The following CNTNAP2 variants were observed in gnomAD, a reference collection of about 807,000 sequenced individuals.
The protein encoded by CNTNAP2 is contactin associated protein 2.
Under a neutral mutation model 155.2 loss-of-function variants are expected in CNTNAP2, and 98 were observed. That is an observed-to-expected ratio of 0.63 (90% CI 0.54 to 0.75). The LOEUF (loss-of-function observed/expected upper bound fraction) is 0.75, where lower values mean the gene tolerates loss of function less well. Ranked by LOEUF, CNTNAP2 falls within the 30% of genes least tolerant of loss-of-function variation. The pLI, the probability that CNTNAP2 is intolerant of heterozygous loss-of-function variation, is 0.00. For missense variants in CNTNAP2, 1,727 were observed against 1,688.1 expected (o/e 1.02, Z -0.40); for synonymous variants, 651 against 631.2 (o/e 1.03, Z -0.47).
intron 8 of CNTNAP2, among the ~76,000 whole-genome samples, chr7:147,292,622 G>T (rs542676171): frequency 2.6e-4 from 39 of 152,236 alleles, no homozygotes; most frequent in African/African-American, 8.2e-4. Flanking sequence ...AACTTTAAAA[G>T]CTCCCCCAAA....
chr7:147,403,642 C>A (rs980264796), intron 10 of CNTNAP2, among the ~76,000 whole-genome samples: 2 of 152,146 alleles, frequency 1.3e-5, no homozygotes, highest in South Asian at 2.1e-4. Flanking sequence ...GTTTTGCTCT[C>A]AAAAATATAG....
intron 8 of CNTNAP2, among the ~76,000 whole-genome samples, chr7:147,192,335 TCTC>T (rs10594458): frequency 0.52 from 79,569 of 151,592 alleles, 21,201 homozygotes; most frequent in Middle Eastern, 0.67. Flanking sequence ...TACCACTTCT[TCTC>T]CTCTTTATGT....
chr7:147,185,076 G>A (rs1020772213), intron 8 of CNTNAP2, among the ~76,000 whole-genome samples: 1 of 152,090 alleles, frequency 6.6e-6, no homozygotes, highest in African/African-American at 2.4e-5. Context: ...TGGTTTATGT[G>A]GGGAATGTTA....
intron 14 of CNTNAP2, among the ~76,000 whole-genome samples, chr7:147,947,152 T>A (rs1800835206): frequency 6.6e-6 from 1 of 152,086 alleles, no homozygotes; most frequent in African/African-American, 2.4e-5. Context: ...TCCCAGGTAA[T>A]CTCTTGGAGC....
chr7:147,366,777 GCACGCACACACACACACACA>G (rs1796236419), intron 9 of CNTNAP2, among the ~76,000 whole-genome samples: 1 of 56,924 alleles, frequency 1.8e-5, no homozygotes, highest in Non-Finnish European at 4.0e-5. Flanking sequence ...CGAATTTGTT[GCACGCACACACACACACACA>G]CACACACACA....
At chr7:148,280,206 G>C (rs1393427910) in intron 21 of CNTNAP2, among the ~76,000 whole-genome samples, 1 of 152,186 alleles carries the variant, frequency 6.6e-6, no homozygotes, top group Non-Finnish European at 1.5e-5. Flanking sequence ...TACTCGGGAG[G>C]CTGAGGCAGG....
rs1390069621 is a variant in CNTNAP2 at position 148,261,412 on chromosome 7, G to GT, written c.3382-5621_3382-5620insT. Among the ~76,000 whole-genome samples the GT allele has an allele frequency of 2.0e-5, 3 of 152,284 alleles. No homozygotes were observed. In the East Asian group the frequency reaches 5.8e-4, roughly 29 times the overall value. ...TGACCACAGGTGATCCGCCCACTTT[G>GT]CCCCCCAAAGTGCTGGGATTATAGG... On this transcript the variant is annotated intron_variant, in intron 20 of 23. Transcript: ENST00000361727.
chr7:146,868,922 CTA>C (rs1224530721), intron 3 of CNTNAP2, among the ~76,000 whole-genome samples: 2 of 152,114 alleles, frequency 1.3e-5, no homozygotes, highest in African/African-American at 2.4e-5. Context: ...TGGTCTGAGA[CTA>C]TGTGCTTTTC....
At chr7:147,013,298 G>A (rs1160790634) in intron 3 of CNTNAP2, among the ~76,000 whole-genome samples, 2 of 151,990 alleles carry the variant, frequency 1.3e-5, no homozygotes, top group South Asian at 2.1e-4. Context: ...AAATATTGAG[G>A]GGTGTACTAG....
intron 1 of CNTNAP2, among the ~76,000 whole-genome samples, chr7:146,242,047 A>T (rs1371139961): frequency 6.6e-6 from 1 of 152,142 alleles, no homozygotes; most frequent in Non-Finnish European, 1.5e-5. Context: ...TTGAGCTATA[A>T]AAAGAGTTCA....
chr7:147,934,124 A>G (rs1430440592), intron 14 of CNTNAP2, among the ~76,000 whole-genome samples: 1 of 152,220 alleles, frequency 6.6e-6, no homozygotes, highest in Non-Finnish European at 1.5e-5. Context: ...TGGGTATACA[A>G]CGTAGTGCTT....
At chr7:148,226,227 T>G (rs2116772673) in intron 19 of CNTNAP2, among the ~76,000 whole-genome samples, 1 of 149,028 alleles carries the variant, frequency 6.7e-6, no homozygotes, top group South Asian at 2.1e-4. Context: ...AAAAAAAGAG[T>G]CTGGAGTTCA....
chr7:147,015,130 G>C (rs1432087963), intron 3 of CNTNAP2, among the ~76,000 whole-genome samples: 1 of 146,530 alleles, frequency 6.8e-6, no homozygotes, highest in African/African-American at 2.5e-5. Context: ...TATATTTTTA[G>C]GCAGTTTAGG....
chr7:148,083,869 C>A (rs1803666461), intron 15 of CNTNAP2, among the ~76,000 whole-genome samples: 1 of 152,138 alleles, frequency 6.6e-6, no homozygotes, highest in African/African-American at 2.4e-5. Context: ...AATTACATAA[C>A]TAAGAGTCTC....
At chr7:147,310,847 G>T (rs1795110983) in intron 9 of CNTNAP2, among the ~76,000 whole-genome samples, 1 of 152,142 alleles carries the variant, frequency 6.6e-6, no homozygotes, top group African/African-American at 2.4e-5. Context: ...GAGAGATTGG[G>T]CTCAACTCCA....
chr7:147,426,103 A>G (rs2116518301), intron 10 of CNTNAP2, among the ~76,000 whole-genome samples: 1 of 152,222 alleles, frequency 6.6e-6, no homozygotes, highest in South Asian at 2.1e-4. Flanking sequence ...AAGATTCTGT[A>G]TCAGTCAGTA....
chr7:146,139,763 T>G (rs577219763), intron 1 of CNTNAP2, among the ~76,000 whole-genome samples: 1 of 152,154 alleles, frequency 6.6e-6, no homozygotes, highest in Non-Finnish European at 1.5e-5. Context: ...TTTAAGAAGT[T>G]TGTGGAAATA....
intron 9 of CNTNAP2, among the ~76,000 whole-genome samples, chr7:147,319,151 A>G (rs1376775732): frequency 6.6e-6 from 1 of 152,192 alleles, no homozygotes; most frequent in Admixed American, 6.5e-5. Context: ...TTTCCAGTAT[A>G]GAATGTCCAT....
At chr7:146,250,292 A>G (rs1799735772) in intron 1 of CNTNAP2, among the ~76,000 whole-genome samples, 1 of 152,226 alleles carries the variant, frequency 6.6e-6, no homozygotes, top group Admixed American at 6.5e-5. Context: ...TGAAATTACT[A>G]ATACTGAAGC....
Sources: allele counts gnomAD v4.1 joint callset (sites outside exome capture counted in the v4.1 genomes callset), GRCh38; gene constraint gnomAD v4.1.1; transcripts MANE v1.5; gene names NCBI Gene and HGNC (gene_info 2026-07-23, HGNC 2026-07-21).